FAM227B: variants seen among roughly 807,000 people sequenced by gnomAD.
The protein encoded by FAM227B is protein FAM227B.
FAM227B carries 88 observed loss-of-function variants against 73.8 expected under a neutral mutation model. The observed-to-expected ratio is 1.19, with a 90% CI of 1.00 to 1.42. FAM227B has a LOEUF of 1.42. Ranked by LOEUF, FAM227B falls within the 40% of genes most tolerant of loss-of-function variation. The pLI, the probability that FAM227B is intolerant of heterozygous loss-of-function variation, is 0.00. For missense variants in FAM227B, 632 were observed against 590.9 expected (o/e 1.07, Z -0.72); for synonymous variants, 210 against 190.5 (o/e 1.10, Z -0.84).
intron 11 of FAM227B, among the ~76,000 whole-genome samples, chr15:49,411,836 A>C (rs1455680519): frequency 1.3e-5 from 2 of 152,154 alleles, no homozygotes; most frequent in Non-Finnish European, 2.9e-5. Context: ...CTTCGCAGAC[A>C]TTTCCAAAAT....
chr15:49,597,576 C>A (rs1314123061), intron 3 of FAM227B, among the ~76,000 whole-genome samples: 2 of 151,700 alleles, frequency 1.3e-5, no homozygotes, highest in East Asian at 3.9e-4. Flanking sequence ...AAAACAGAAA[C>A]CAAACCAAAC....
chr15:49,328,670 G>A lies in FAM227B; in HGVS notation c.1425C>T (p.Ser475=), dbSNP rs766287938. The A allele has an allele frequency of 2.7e-5, 42 of 1,557,114 alleles. No individual in the cohort carries two copies. Among genetic ancestry groups the A allele is most frequent in the South Asian group, 5.9e-5 (5 of 85,064 alleles). ...DFEKFLHKLR[S]EAEIERECVA... ...CACATTCTCTCTCAATTTCAGCTTCGGAACGCTATGAAAATAATACATGAT... is the reference window on the plus strand; with the variant it reads ...CACATTCTCTCTCAATTTCAGCTTCAGAACGCTATGAAAATAATACATGAT... The change falls in exon 16 of 16, where the codon TCC becomes TCT. Residue 475 remains serine, a synonymous_variant. Coordinates refer to ENST00000299338, the MANE Select transcript of FAM227B (RefSeq NM_152647.3).
At chr15:49,352,419 A>C (rs907818088) in intron 13 of FAM227B, among the ~76,000 whole-genome samples, 2 of 152,224 alleles carry the variant, frequency 1.3e-5, no homozygotes, top group Non-Finnish European at 2.9e-5. Flanking sequence ...ATAATCTGCC[A>C]TAGGACTTAT....
Position 49,328,313 on chromosome 15 carries a change from C to T in FAM227B, c.*255G>A. On this transcript the variant is annotated 3_prime_UTR_variant, in exon 16 of 16. Transcript: ENST00000299338. ...ATTTTCAAAGAAATGGTTGAAAGCT[C>T]TCTATGCTTCATAATGATTCTTTTT... 4 of 1,433,582 alleles carry T rather than the reference C, an allele frequency of 2.8e-6. No individual in the cohort carries two copies. The highest frequency in any genetic ancestry group is 1.6e-5 in the South Asian group (1 of 64,286). 88.8% of individuals were successfully genotyped at this position (1,433,582 alleles called of 1,614,324 possible).
At chr15:49,374,048 C>A (rs2046004071) in intron 11 of FAM227B, among the ~76,000 whole-genome samples, 1 of 152,064 alleles carries the variant, frequency 6.6e-6, no homozygotes, top group Non-Finnish European at 1.5e-5. Flanking sequence ...ATACAAGTAT[C>A]ATTTTCCATG....
chr15:49,403,692 A>AT (rs977433561), intron 11 of FAM227B, among the ~76,000 whole-genome samples: 8 of 149,202 alleles, frequency 5.4e-5, no homozygotes, highest in Non-Finnish European at 7.4e-5. Flanking sequence ...TAGTTTATTA[A>AT]TTTTTTTCAA....
intron 9 of FAM227B, among the ~76,000 whole-genome samples, chr15:49,558,876 A>G (rs993976672): frequency 6.6e-5 from 10 of 152,100 alleles, no homozygotes; most frequent in African/African-American, 2.4e-4. Flanking sequence ...TGACCTAACC[A>G]GTCACCACCA....
intron 3 of FAM227B, among the ~76,000 whole-genome samples, chr15:49,594,473 G>A (rs1435687191): frequency 6.6e-6 from 1 of 151,860 alleles, no homozygotes; most frequent in South Asian, 2.1e-4. Flanking sequence ...CATTTGTTTT[G>A]GGGCTCTTGG....
At chr15:49,470,736 G>A (rs73400244) in intron 11 of FAM227B, among the ~76,000 whole-genome samples, 3,974 of 152,292 alleles carry the variant, frequency 0.026, 188 homozygotes, top group African/African-American at 0.092. Context: ...AAGTATAAAT[G>A]AGTATTTGTG....
At chr15:49,421,151 T>C (rs1488272559) in intron 11 of FAM227B, among the ~76,000 whole-genome samples, 2 of 152,234 alleles carry the variant, frequency 1.3e-5, no homozygotes, top group South Asian at 2.1e-4. Flanking sequence ...CGGTTGCCAA[T>C]GTATAACTTA....
intron 3 of FAM227B, among the ~76,000 whole-genome samples, chr15:49,601,741 TCTAA>T (rs1004644485): frequency 2.6e-5 from 4 of 152,334 alleles, no homozygotes; most frequent in African/African-American, 9.6e-5. Context: ...ACTCATTTTT[TCTAA>T]CTAACATTTT....
intron 11 of FAM227B, among the ~76,000 whole-genome samples, 191 bp from the exon 12 acceptor site, chr15:49,371,590 G>A (rs552486559): frequency 2.7e-5 from 4 of 150,852 alleles, no homozygotes; most frequent in African/African-American, 9.7e-5. Context: ...TTACTCAATA[G>A]GGCTTTATTA....
At chr15:49,569,310 G>A (rs1477250676) in intron 8 of FAM227B, among the ~76,000 whole-genome samples, 1 of 151,576 alleles carries the variant, frequency 6.6e-6, no homozygotes, top group Non-Finnish European at 1.5e-5. Flanking sequence ...GTTCTTCTCA[G>A]AGACAGAACT....
At chr15:49,575,228 A>G (rs1190478538) in intron 7 of FAM227B, 119 bp from the exon 8 acceptor site, 2 of 441,760 alleles carry the variant, frequency 4.5e-6, no homozygotes, top group Admixed American at 4.3e-5. Flanking sequence ...ACTGTCCAAC[A>G]GAAATTTAAC....
intron 10 of FAM227B, among the ~76,000 whole-genome samples, chr15:49,526,632 A>C (rs2060224067): frequency 6.6e-6 from 1 of 152,094 alleles, no homozygotes; most frequent in Non-Finnish European, 1.5e-5. Context: ...AGGAGAAACA[A>C]GATTGATAGA....
At chr15:49,365,851 A>G (rs1274082788) in intron 13 of FAM227B, 13 of 896,242 alleles carry the variant, frequency 1.5e-5, no homozygotes, top group African/African-American at 6.5e-5. Context: ...GCGACACTCA[A>G]TTGTGCATTG....
At chr15:49,566,215 G>A (rs1170379233) in intron 9 of FAM227B, among the ~76,000 whole-genome samples, 3 of 152,116 alleles carry the variant, frequency 2.0e-5, no homozygotes, top group Non-Finnish European at 2.9e-5. Context: ...AGGGAAAAGG[G>A]AAAAACTCTA....
chr15:49,595,940 ATGAACAAAGC>A (rs71424024), intron 3 of FAM227B, among the ~76,000 whole-genome samples: 16,319 of 151,966 alleles, frequency 0.11, 1,220 homozygotes, highest in East Asian at 0.36. Flanking sequence ...TTTTTTAAAA[ATGAACAAAGC>A]CTCCAAGGAG....
chr15:49,370,667 T>C (rs1252057330), intron 12 of FAM227B, among the ~76,000 whole-genome samples: 2 of 152,214 alleles, frequency 1.3e-5, no homozygotes, highest in African/African-American at 2.4e-5. Context: ...CTGGATAAGA[T>C]GATGTAGACA....
Sources: allele counts gnomAD v4.1 joint callset (sites outside exome capture counted in the v4.1 genomes callset), GRCh38; gene constraint gnomAD v4.1.1; transcripts MANE v1.5; gene names NCBI Gene and HGNC (gene_info 2026-07-23, HGNC 2026-07-21).